Variants in KIN observed in about 807,000 individuals in gnomAD.
KIN encodes Kin17 DNA and RNA binding protein.
Under a neutral mutation model 63.0 loss-of-function variants are expected in KIN, and 47 were observed. The ratio of observed to expected loss-of-function variants is 0.75; its 90% CI spans 0.59 to 0.95. The LOEUF is 0.95. Among genes scored for constraint, KIN ranks in the 40% least tolerant of loss-of-function variants. KIN has a pLI of 0.00. For synonymous variants in KIN, 160 were observed against 157.7 expected, an observed-to-expected ratio of 1.01 and a Z score of -0.11; for missense variants, 408 against 460.9, an observed-to-expected ratio of 0.89 and a Z score of 1.05.
chr10:7,781,750 CAAAAAAAA>C (rs34969604), intron 2 of KIN, among the ~76,000 whole-genome samples: 3 of 67,998 alleles, frequency 4.4e-5, no homozygotes, highest in Admixed American at 3.6e-4. Flanking sequence ...AAGACCCTGT[CAAAAAAAA>C]AAAAAAAAAA....
At chr10:7,760,109 T>G in intron 11 of KIN, 119 bp from the exon 12 acceptor site, 1 of 521,404 alleles carries the variant, frequency 1.9e-6, no homozygotes, top group Non-Finnish European at 3.3e-6. Flanking sequence ...CCCTTTTTCT[T>G]AGAAGTTCTC....
In KIN at chr10:7,759,923, C is replaced by T. The variant is rs1370146763; in HGVS notation, c.1086G>A (p.Glu362=). The T allele has an allele frequency of 6.4e-7, 1 of 1,573,182 alleles. No homozygotes were observed. The highest frequency in any genetic ancestry group is 8.7e-7 in the Non-Finnish European group (1 of 1,155,092). The change falls in exon 12 of 13, where the codon GAG becomes GAA. Residue 362 remains glutamate (E), a synonymous_variant. Transcript: ENST00000379562. The part of the protein sequence containing the change: ...GNEGTLESIN[E]KTFSATIVIE... ...TGACGATAGTAGCTGAAAAAGTCTT[C>T]TCATTGATGGATTCTAGGGTACCTT...
At chr10:7,774,182 T>C (rs543379747) in intron 7 of KIN, among the ~76,000 whole-genome samples, 68 of 152,296 alleles carry the variant, frequency 4.5e-4, no homozygotes, top group African/African-American at 1.6e-3. Context: ...CAGAAAAAGT[T>C]TGCTGACCCC....
At chr10:7,767,897 T>C (rs560664922) in intron 8 of KIN, among the ~76,000 whole-genome samples, 2 of 150,066 alleles carry the variant, frequency 1.3e-5, no homozygotes, top group African/African-American at 4.9e-5. Context: ...CTGGACGGCA[T>C]TTTCTATCCC....
chr10:7,761,937 G>A (rs940681337), intron 11 of KIN, among the ~76,000 whole-genome samples: 19 of 152,236 alleles, frequency 1.2e-4, no homozygotes, highest in African/African-American at 4.3e-4. Context: ...GGAGATGGAG[G>A]TTGCAGTAAG....
At chr10:7,782,947 T>C (rs1835927506) in intron 2 of KIN, 134 bp downstream of exon 2, 1 of 421,188 alleles carries the variant, frequency 2.4e-6, no homozygotes, top group African/African-American at 2.0e-5. Context: ...CAAAAGAAGA[T>C]AAAAACTGAG....
chr10:7,768,777 G>A (rs1835605227), intron 8 of KIN, among the ~76,000 whole-genome samples: 1 of 152,180 alleles, frequency 6.6e-6, no homozygotes. Context: ...CAGCATTTGG[G>A]AGTCCAAGGT....
At chr10:7,762,435 A>G in intron 11 of KIN, 22 bp downstream of exon 11, 2 of 1,399,044 alleles carry the variant, frequency 1.4e-6, no homozygotes, top group Non-Finnish European at 2.0e-6. Context: ...ATATGTATTA[A>G]ATGGTCTGCA....
chr10:7,782,691 C>T (rs1835922224), intron 2 of KIN, among the ~76,000 whole-genome samples: 1 of 152,168 alleles, frequency 6.6e-6, no homozygotes, highest in African/African-American at 2.4e-5. Flanking sequence ...GCCACCTCGC[C>T]TGGCTTCTTA....
chr10:7,780,171 T>C lies in KIN; in HGVS notation c.261A>G (p.Lys87=). Residue 87 remains lysine (K), a synonymous_variant, in exon 4 of 13, where the codon AAA becomes AAG. Coordinates refer to ENST00000379562, the MANE Select transcript of KIN (RefSeq NM_012311.4). The stretch of plus-strand genomic sequence containing the variant: ...TGTAGACAATGTTGTTGTGGACCCT[T>C]TTAGTGCCTGAGAACAAAATATGAC... ...LELLRRRFGT[K]RVHNNIVYNE... 1 of 1,613,402 alleles carries C rather than the reference T, an allele frequency of 6.2e-7. No individual in the cohort carries two copies. Among genetic ancestry groups the C allele is most frequent in the Non-Finnish European group, 8.5e-7 (1 of 1,179,594 alleles).
chr10:7,759,128 T>C (rs1460550155), intron 12 of KIN, among the ~76,000 whole-genome samples: 1 of 152,192 alleles, frequency 6.6e-6, no homozygotes, highest in African/African-American at 2.4e-5. Context: ...GTCTAAACTT[T>C]CATTAAACTC....
At chr10:7,764,631 C>T (rs956513555) in intron 9 of KIN, among the ~76,000 whole-genome samples, 5 of 152,096 alleles carry the variant, frequency 3.3e-5, no homozygotes, top group African/African-American at 9.7e-5. Flanking sequence ...GATAGGTTTA[C>T]GGAAAAATGT....
intron 2 of KIN, among the ~76,000 whole-genome samples, chr10:7,781,812 T>C (rs905673137): frequency 7.3e-5 from 11 of 149,718 alleles, no homozygotes; most frequent in Admixed American, 6.6e-4. Context: ...ATCCCAGCAC[T>C]TTGGGAGGGT....
chr10:7,769,190 G>A (rs547722684), intron 8 of KIN, 26 bp downstream of exon 8: 2 of 1,588,922 alleles, frequency 1.3e-6, no homozygotes, highest in South Asian at 1.1e-5. Context: ...GTTCTAAGGT[G>A]TCCACACGCA....
At chr10:7,785,947 A>G (rs971867729) in intron 1 of KIN, among the ~76,000 whole-genome samples, 7 of 152,162 alleles carry the variant, frequency 4.6e-5, no homozygotes, top group African/African-American at 1.7e-4. Flanking sequence ...GGGCAGTTAA[A>G]CTATTTTGTG....
intron 7 of KIN, among the ~76,000 whole-genome samples, chr10:7,771,676 T>C (rs1024869987): frequency 2.6e-5 from 4 of 152,106 alleles, no homozygotes; most frequent in African/African-American, 9.7e-5. Flanking sequence ...GTGGATCATT[T>C]GAGGTCAGGA....
At chr10:7,771,631 G>C (rs927794759) in intron 7 of KIN, among the ~76,000 whole-genome samples, 30 of 152,156 alleles carry the variant, frequency 2.0e-4, no homozygotes, top group African/African-American at 7.2e-4. Flanking sequence ...GGTGGCTCAT[G>C]CCTGAAATCC....
Position 7,778,913 on chromosome 10 carries a change from C to T in KIN, c.483G>A (p.Gln161=). 2 of 1,614,080 alleles carry T rather than the reference C, an allele frequency of 1.2e-6. No homozygotes were observed. Among genetic ancestry groups the T allele is most frequent in the Non-Finnish European group, 1.7e-6 (2 of 1,180,024 alleles). ...RQLELEKKKK[Q]DLDDEEKTAK... Reference sequence around the variant, plus strand: ...CAGTTTTTTCTTCATCATCAAGGTCCTGCTTTTTCTTTTTCTCCAGTTCCA... The same window carrying T: ...CAGTTTTTTCTTCATCATCAAGGTCTTGCTTTTTCTTTTTCTCCAGTTCCA... The change falls in exon 5 of 13, where the codon CAG becomes CAA. Residue 161 remains glutamine, a synonymous_variant. Transcript: ENST00000379562.
intron 5 of KIN, among the ~76,000 whole-genome samples, chr10:7,776,732 C>CAAA (rs779355865): frequency 1.2e-5 from 1 of 84,010 alleles, no homozygotes; most frequent in African/African-American, 5.2e-5. Flanking sequence ...GACTCTGTCT[C>CAAA]AAAAAAAAAA....
Sources: allele counts gnomAD v4.1 joint callset (sites outside exome capture counted in the v4.1 genomes callset), GRCh38; gene constraint gnomAD v4.1.1; transcripts MANE v1.5; gene names NCBI Gene and HGNC (gene_info 2026-07-23, HGNC 2026-07-21).